The following LDLRAD4 variants were observed in gnomAD, a reference collection of about 807,000 sequenced individuals.
LDLRAD4 encodes low-density lipoprotein receptor class A domain-containing protein 4.
LDLRAD4 carries 5 observed loss-of-function variants against 17.0 expected under a neutral mutation model. The observed-to-expected ratio is 0.29, with a 90% confidence interval of 0.15 to 0.62. LDLRAD4 has a LOEUF of 0.62. Ranked by LOEUF, LDLRAD4 falls within the 20% of genes least tolerant of loss-of-function variation. The pLI is 0.84. For synonymous variants in LDLRAD4, 168 were observed against 171.8 expected, an observed-to-expected ratio of 0.98 and a Z score of 0.17; for missense variants, 340 against 424.7, an observed-to-expected ratio of 0.80 and a Z score of 1.75.
At chr18:13,646,244 T>C (rs1346640191) in exon 6 of LDLRAD4, 1 of 152,674 alleles carries the variant, frequency 6.5e-6, no homozygotes, top group Admixed American at 6.5e-5. Flanking sequence ...AGTTGCACTA[T>C]CTTAATGTTG....
At chr18:13,282,931 A>AC (rs1346637919) in intron 1 of LDLRAD4, among the ~76,000 whole-genome samples, 2 of 152,154 alleles carry the variant, frequency 1.3e-5, no homozygotes, top group African/African-American at 4.8e-5. Flanking sequence ...TCAATTCTTG[A>AC]CTTCTGTGTA....
intron 4 of LDLRAD4, among the ~76,000 whole-genome samples, chr18:13,630,785 A>G (rs1285882777): frequency 6.6e-6 from 1 of 152,218 alleles, no homozygotes; most frequent in Non-Finnish European, 1.5e-5. Context: ...GCCTCCTATA[A>G]TGCAATTAAG....
chr18:13,312,743 A>C (rs1027955988), intron 1 of LDLRAD4, among the ~76,000 whole-genome samples: 5 of 151,976 alleles, frequency 3.3e-5, no homozygotes, highest in African/African-American at 1.2e-4. Context: ...TCCTGTCTAT[A>C]AAAAAAAGGA....
At chr18:13,631,106 C>T (rs1354027181) in intron 4 of LDLRAD4, among the ~76,000 whole-genome samples, 1 of 152,172 alleles carries the variant, frequency 6.6e-6, no homozygotes, top group Non-Finnish European at 1.5e-5. Flanking sequence ...GCCCATGGTG[C>T]AGCACAAGGG....
chr18:13,629,308 C>G lies in LDLRAD4; in HGVS notation c.336+8037C>G, dbSNP rs114073478. On this transcript the variant is annotated intron_variant, in intron 4 of 5. Coordinates refer to ENST00000359446, the Ensembl canonical transcript of LDLRAD4. ...AAGTCTTGTTCATTATATGGGTGAT[C>G]AAACCAAATGATACAATTTTGGTGC... 6.5e-3 allele frequency among the ~76,000 whole-genome samples: 989 copies of G among 152,270 alleles called. 11 individuals are homozygous for G. Among genetic ancestry groups the G allele is most frequent in the African/African-American group, 0.023 (935 of 41,522 alleles).
chr18:13,449,420 G>T (rs1047323033), intron 3 of LDLRAD4, among the ~76,000 whole-genome samples: 5 of 152,120 alleles, frequency 3.3e-5, no homozygotes, highest in Non-Finnish European at 7.3e-5. Context: ...CCTGGAAGGG[G>T]AGCCTTGTGC....
chr18:13,295,855 G>A (rs1221351251), intron 1 of LDLRAD4, among the ~76,000 whole-genome samples: 1 of 152,186 alleles, frequency 6.6e-6, no homozygotes, highest in Non-Finnish European at 1.5e-5. Flanking sequence ...TTGTATTTGG[G>A]GTTTTGTGTG....
chr18:13,640,292 CAAAAAA>C (rs55794457), intron 4 of LDLRAD4, among the ~76,000 whole-genome samples: 2 of 98,490 alleles, frequency 2.0e-5, no homozygotes, highest in African/African-American at 8.4e-5. Flanking sequence ...GATTCCATCT[CAAAAAA>C]AAAAAAAAAA....
chr18:13,442,068 A>C (rs996824922), intron 3 of LDLRAD4, among the ~76,000 whole-genome samples: 2 of 152,224 alleles, frequency 1.3e-5, no homozygotes, highest in Non-Finnish European at 2.9e-5. Flanking sequence ...TTGTACCCCG[A>C]GCACTAAACA....
chr18:13,617,471 G>C (rs1486479263), intron 3 of LDLRAD4, among the ~76,000 whole-genome samples: 1 of 152,116 alleles, frequency 6.6e-6, no homozygotes, highest in Non-Finnish European at 1.5e-5. Context: ...GAATATTAAA[G>C]AGGACCTTCC....
intron 1 of LDLRAD4, among the ~76,000 whole-genome samples, chr18:13,347,620 C>T (rs2082768804): frequency 6.6e-6 from 1 of 152,148 alleles, no homozygotes; most frequent in Non-Finnish European, 1.5e-5. Flanking sequence ...TGTTGGCCTG[C>T]CTTGCTAGAT....
rs925940074 is a variant in LDLRAD4 at position 13,300,182 on chromosome 18, G to A, written c.-383+21994G>A. The stretch of plus-strand genomic sequence containing the variant: ...GGTTCCTGCTTGTCTCTGGAGAGCC[G>A]TGGTTCCAGGGCCAGCAGGTGCCTC... On this transcript the variant is annotated intron_variant, in intron 1 of 5. Coordinates refer to ENST00000359446, the Ensembl canonical transcript of LDLRAD4. This position sits in a 1 kb window ranked among gnomAD's most constrained non-coding sequence, Gnocchi z 4.2. Among the ~76,000 whole-genome samples, 10 of 152,326 alleles carry A rather than the reference G, an allele frequency of 6.6e-5. No individual in the cohort carries two copies. In the East Asian group the frequency reaches 1.9e-3, roughly 29 times the overall value.
At chr18:13,467,106 T>C (rs2092643973) in intron 3 of LDLRAD4, among the ~76,000 whole-genome samples, 1 of 152,230 alleles carries the variant, frequency 6.6e-6, no homozygotes, top group Non-Finnish European at 1.5e-5. Context: ...ATACCCACTT[T>C]TACCAATGCT....
chr18:13,300,869 G>A lies in LDLRAD4; in HGVS notation c.-383+22681G>A, dbSNP rs2046554447. ...GGGGTGTGGGAAGGAAGGAAGGGTG[G>A]TGAACTGGGAGCCGGCAGCGCGTCC... On this transcript the variant is annotated intron_variant, in intron 1 of 5. Transcript: ENST00000359446. This position sits in a 1 kb window ranked among gnomAD's most constrained non-coding sequence, Gnocchi z 4.2. 6.6e-6 allele frequency among the ~76,000 whole-genome samples: 1 copy of A among 152,226 alleles called. No homozygotes were observed. The highest frequency in any genetic ancestry group is 6.5e-5 in the Admixed American group (1 of 15,290).
At chr18:13,286,863 G>A (rs962334654) in intron 1 of LDLRAD4, among the ~76,000 whole-genome samples, 7 of 152,154 alleles carry the variant, frequency 4.6e-5, no homozygotes, top group African/African-American at 1.4e-4. Context: ...GGATCCGTGC[G>A]CCGATTGTGT....
In LDLRAD4 at chr18:13,565,890, C is replaced by T. The variant is rs73413588; in HGVS notation, c.182-55227C>T. Among the ~76,000 whole-genome samples the T allele has an allele frequency of 5.9e-3, 901 of 152,328 alleles. 3 individuals are homozygous for T. The highest frequency in any genetic ancestry group is 0.027 in the Middle Eastern group (8 of 294). On this transcript the variant is annotated intron_variant, in intron 3 of 5. Coordinates refer to ENST00000359446, the Ensembl canonical transcript of LDLRAD4. ...ATATTCAAAGGAAGAATTCCATCAG[C>T]GTTGATCAAACGTGGCTCTGAAGAC...
chr18:13,231,792 A>G (rs1199057118), intron 1 of LDLRAD4, among the ~76,000 whole-genome samples: 3 of 152,244 alleles, frequency 2.0e-5, no homozygotes, highest in Admixed American at 6.5e-5. Flanking sequence ...AATCAATGAA[A>G]TGTACATAGA....
chr18:13,590,538 C>T (rs1268561598), intron 3 of LDLRAD4, among the ~76,000 whole-genome samples: 2 of 152,224 alleles, frequency 1.3e-5, no homozygotes, highest in African/African-American at 2.4e-5. Flanking sequence ...TCTGCTGCAA[C>T]CCCTCCTCTG....
intron 3 of LDLRAD4, chr18:13,611,371 C>A: frequency 1.6e-6 from 1 of 639,422 alleles, no homozygotes; most frequent in Non-Finnish European, 1.9e-6. Context: ...TTATTTGCAG[C>A]GTTACCATGG....
Sources: allele counts gnomAD v4.1 joint callset (sites outside exome capture counted in the v4.1 genomes callset), GRCh38; gene constraint gnomAD v4.1.1; non-coding constraint Gnocchi (gnomAD v3.1); transcripts MANE v1.5; gene names NCBI Gene and HGNC (gene_info 2026-07-23, HGNC 2026-07-21).